Variants in PLAC1 observed in about 807,000 individuals in gnomAD.
PLAC1 encodes placenta associated 1, also known as placenta-specific protein 1.
For synonymous variants in PLAC1, 68 were observed against 62.1 expected, an observed-to-expected ratio of 1.09 and a Z score of -0.44; for missense variants, 136 against 163.2, an observed-to-expected ratio of 0.83 and a Z score of 0.91.
chrX:134,689,388 A>G (rs2147820340), intron 2 of PLAC1, among the ~76,000 whole-genome samples: 1 of 111,795 alleles, frequency 8.9e-6, no homozygotes, highest in African/African-American at 3.3e-5. Context: ...TCTCCATACA[A>G]ACCAGAAACC....
chrX:134,638,145 T>A (rs1032654868), intron 1 of PLAC1, among the ~76,000 whole-genome samples: 3 of 112,319 alleles, frequency 2.7e-5, no homozygotes, highest in Non-Finnish European at 5.6e-5. Context: ...AAATATTCAC[T>A]GGCACGTATC....
At chrX:134,616,640 C>CA (rs780602948) in intron 1 of PLAC1, among the ~76,000 whole-genome samples, 58 of 108,844 alleles carry the variant, frequency 5.3e-4, no homozygotes, top group African/African-American at 1.7e-3. Flanking sequence ...CGTCTCAAAA[C>CA]AAAAAAAACA....
rs985402713 is a variant in PLAC1 at position 134,755,320 on chromosome X, T to C, written n.89+8914A>G. On this transcript the variant is annotated intron_variant and non_coding_transcript_variant, in intron 1 of 2. Coordinates refer to the PLAC1 transcript ENST00000466797. Reference sequence around the variant, plus strand: ...CTCTTATTGGTGAGTATAAGTACTCTGTAGTTTGTTTGTTCATTGATTTGA... The same window carrying C: ...CTCTTATTGGTGAGTATAAGTACTCCGTAGTTTGTTTGTTCATTGATTTGA... 6.2e-5 allele frequency among the ~76,000 whole-genome samples: 7 copies of C among 112,688 alleles called. No homozygotes were observed. The Admixed American group carries it at 6.6e-4, about 11-fold the overall frequency.
intron 2 of PLAC1, among the ~76,000 whole-genome samples, chrX:134,586,670 C>CTTT (rs765675891): frequency 7.7e-5 from 7 of 91,074 alleles, no homozygotes; most frequent in Non-Finnish European, 1.3e-4. Context: ...TTTTTCTTTT[C>CTTT]TTTTTTTTTT....
chrX:134,718,613 C>A (rs2078649676), intron 2 of PLAC1, among the ~76,000 whole-genome samples: 1 of 111,824 alleles, frequency 8.9e-6, no homozygotes, highest in South Asian at 3.7e-4. Context: ...AACAGGAAAC[C>A]AATTATGAAA....
chrX:134,610,525 G>A (rs141997478), intron 1 of PLAC1, among the ~76,000 whole-genome samples: 2,801 of 111,519 alleles, frequency 0.025, 96 homozygotes, highest in African/African-American at 0.087. Flanking sequence ...TCAACGTGGA[G>A]GGTCACTCTG....
intron 1 of PLAC1, among the ~76,000 whole-genome samples, chrX:134,748,867 C>T (rs753270718): frequency 8.9e-5 from 10 of 112,053 alleles, no homozygotes; most frequent in Admixed American, 2.8e-4. Context: ...CTGGAGAAGT[C>T]GTATTGTCCC....
intron 1 of PLAC1, among the ~76,000 whole-genome samples, chrX:134,614,681 C>T (rs1164444242): frequency 9.0e-6 from 1 of 111,521 alleles, no homozygotes; most frequent in East Asian, 2.8e-4. Context: ...GTTGCCCAGG[C>T]TGGAGTGCAG....
At chrX:134,580,484 C>A (rs988478810) in intron 2 of PLAC1, among the ~76,000 whole-genome samples, 1 of 111,874 alleles carries the variant, frequency 8.9e-6, no homozygotes. Context: ...GTGGCAAAGC[C>A]AGAACGAGAA....
intron 2 of PLAC1, among the ~76,000 whole-genome samples, chrX:134,719,165 T>C (rs1445858018): frequency 1.8e-5 from 2 of 111,666 alleles, no homozygotes; most frequent in Non-Finnish European, 3.8e-5. Flanking sequence ...GTGGTAAGTA[T>C]TGCACAACAC....
chrX:134,720,909 C>T (rs772112296), intron 2 of PLAC1, among the ~76,000 whole-genome samples: 1 of 112,523 alleles, frequency 8.9e-6, no homozygotes, highest in East Asian at 2.8e-4. Context: ...CCTCCTGCCT[C>T]AGCATCTCGA....
chrX:134,747,635 A>G (rs999080859), intron 1 of PLAC1, among the ~76,000 whole-genome samples: 3 of 111,513 alleles, frequency 2.7e-5, no homozygotes, highest in African/African-American at 9.8e-5. Context: ...CTGGCCTGAG[A>G]GTCAGGAAAC....
chrX:134,586,213 C>A (rs909943312), intron 2 of PLAC1, among the ~76,000 whole-genome samples: 9 of 111,635 alleles, frequency 8.1e-5, no homozygotes, highest in Non-Finnish European at 1.7e-4. Context: ...CCACCGCCTG[C>A]CCTGCTTTTG....
chrX:134,750,831 A>T lies in PLAC1; in HGVS notation n.89+13403T>A, dbSNP rs866101655. Reference sequence around the variant, plus strand: ...AAAAAAAATATATATATATATATATATATTTATATATATATTTATATATAT... The same window carrying T: ...AAAAAAAATATATATATATATATATTTATTTATATATATATTTATATATAT... On this transcript the variant is annotated intron_variant and non_coding_transcript_variant, in intron 1 of 2. Coordinates refer to the PLAC1 transcript ENST00000466797. 4.6e-4 allele frequency among the ~76,000 whole-genome samples: 15 copies of T among 32,677 alleles called. 2 individuals are homozygous for T. The highest frequency in any genetic ancestry group is 2.9e-3 in the African/African-American group (15 of 5,113). 28.4% of individuals were successfully genotyped at this position (32,677 alleles called of 115,157 possible). A position where few individuals can be genotyped will look rare whatever the true frequency, so the allele number is the denominator to read the frequency against.
chrX:134,723,013 C>G (rs1171590771), intron 2 of PLAC1, among the ~76,000 whole-genome samples: 2 of 109,465 alleles, frequency 1.8e-5, no homozygotes, highest in African/African-American at 6.6e-5. Flanking sequence ...TGAATACTGT[C>G]TCTTTCTAGC....
intron 2 of PLAC1, among the ~76,000 whole-genome samples, chrX:134,578,510 T>C (rs1451024497): frequency 1.6e-5 from 1 of 62,376 alleles, no homozygotes; most frequent in East Asian, 6.2e-4. Flanking sequence ...GGTCTTTCTT[T>C]CTTTCTTTTT....
chrX:134,762,821 C>CAAAAAAAA (rs60721487), intron 1 of PLAC1, among the ~76,000 whole-genome samples: 10 of 14,821 alleles, frequency 6.7e-4, no homozygotes, highest in African/African-American at 9.7e-4. Context: ...GGCTCTATCT[C>CAAAAAAAA]AAAAAAAAAA....
intron 2 of PLAC1, among the ~76,000 whole-genome samples, chrX:134,570,673 G>A (rs1347658646): frequency 3.6e-5 from 4 of 111,922 alleles, no homozygotes; most frequent in Admixed American, 9.5e-5. Flanking sequence ...GGTACACAGC[G>A]TCCTGAACTG....
chrX:134,676,369 G>A (rs185562047), intron 2 of PLAC1, among the ~76,000 whole-genome samples: 2 of 111,388 alleles, frequency 1.8e-5, no homozygotes, highest in East Asian at 5.7e-4. Context: ...TCCCTCCGCT[G>A]ACATTATGGG....
Sources: allele counts gnomAD v4.1 joint callset (sites outside exome capture counted in the v4.1 genomes callset), GRCh38; gene constraint gnomAD v4.1.1; transcripts MANE v1.5; gene names NCBI Gene and HGNC (gene_info 2026-07-23, HGNC 2026-07-21).